Variants in IL23R observed in about 807,000 individuals in gnomAD.
The protein encoded by IL23R is interleukin-23 receptor.
A neutral mutation model predicts 56.9 loss-of-function variants in IL23R; 34 were observed. The ratio of observed to expected loss-of-function variants is 0.60; its 90% confidence interval spans 0.45 to 0.80. IL23R has a LOEUF of 0.80. Among genes scored for constraint, IL23R ranks in the 30% least tolerant of loss-of-function variants. The pLI, the probability that IL23R is intolerant of heterozygous loss-of-function variation, is 0.00. For missense variants in IL23R, 635 were observed against 730.0 expected (o/e 0.87, Z 1.50); for synonymous variants, 230 against 249.2 (o/e 0.92, Z 0.73).
chr1:67,154,262 G>A (rs930047899), intron 1 of IL23R, among the ~76,000 whole-genome samples: 1 of 152,198 alleles, frequency 6.6e-6, no homozygotes, highest in Non-Finnish European at 1.5e-5. Context: ...TTCTTTAGAT[G>A]TCTATTAGGT....
intron 6 of IL23R, among the ~76,000 whole-genome samples, chr1:67,218,711 C>A (rs1035812461): frequency 2.6e-5 from 4 of 151,070 alleles, no homozygotes; most frequent in Non-Finnish European, 5.9e-5. Flanking sequence ...ATGACTTGTG[C>A]CCAGGAGACC....
At chr1:67,177,282 G>A (rs966466620) in intron 3 of IL23R, among the ~76,000 whole-genome samples, 15 of 152,136 alleles carry the variant, frequency 9.9e-5, no homozygotes, top group Non-Finnish European at 1.9e-4. Context: ...AGCACCTGTT[G>A]TTTCCTGACT....
At chr1:67,180,386 TC>T (rs1325664346) in intron 3 of IL23R, among the ~76,000 whole-genome samples, 7 of 152,108 alleles carry the variant, frequency 4.6e-5, no homozygotes, top group Admixed American at 3.3e-4. Context: ...GCCTTTTTTG[TC>T]TCTTTTGATC....
At chr1:67,209,534 TC>T (rs1427272931) in intron 6 of IL23R, among the ~76,000 whole-genome samples, 4 of 152,212 alleles carry the variant, frequency 2.6e-5, no homozygotes, top group African/African-American at 4.8e-5. Context: ...TTTTGCTTTT[TC>T]CTCATTTTCT....
downstream of IL23R, among the ~76,000 whole-genome samples, chr1:67,262,893 C>A (rs1186573735): frequency 6.6e-6 from 1 of 152,070 alleles, no homozygotes; most frequent in Non-Finnish European, 1.5e-5. Flanking sequence ...CTTAGGAATG[C>A]TGAAGCAAAA....
rs537904495 is a variant in IL23R, at chr1:67,257,538, T to C, written c.1240-940T>C. 3.6e-4 allele frequency among the ~76,000 whole-genome samples: 55 copies of C among 152,182 alleles called. 1 individual carries two copies. The highest frequency in any genetic ancestry group is 1.5e-4 in the Non-Finnish European group (10 of 68,030). On this transcript the variant is annotated intron_variant, in intron 10 of 10. Coordinates refer to ENST00000347310, the MANE Select transcript of IL23R (RefSeq NM_144701.3). ...AAACGTTTAGTCCGTAACAGGGGGC[T>C]ATAATATTATAATTGTGTTGGGTGA...
chr1:67,151,623 T>G (rs1365774155), intron 1 of IL23R, among the ~76,000 whole-genome samples: 1 of 152,240 alleles, frequency 6.6e-6, no homozygotes, highest in African/African-American at 2.4e-5. Flanking sequence ...GAGTTAATTT[T>G]CATATAAGGT....
At chr1:67,260,968 C>G (rs1468755089), downstream of IL23R, among the ~76,000 whole-genome samples, 1 of 152,002 alleles carries the variant, frequency 6.6e-6, no homozygotes, top group African/African-American at 2.4e-5. Flanking sequence ...CAACAGTTGT[C>G]AATTTATACT....
chr1:67,187,378 T>C (rs1002973688), intron 4 of IL23R, among the ~76,000 whole-genome samples: 11 of 152,226 alleles, frequency 7.2e-5, no homozygotes, highest in Admixed American at 5.9e-4. Context: ...TGAAAAAATA[T>C]ATTTGTTGGA....
intron 3 of IL23R, among the ~76,000 whole-genome samples, chr1:67,177,854 A>G (rs1292288160): frequency 1.3e-5 from 2 of 150,886 alleles, no homozygotes; most frequent in African/African-American, 5.0e-5. Flanking sequence ...CAGTTTCCCA[A>G]CACAATTTAT....
At chr1:67,154,399 T>C (rs895723599) in intron 1 of IL23R, among the ~76,000 whole-genome samples, 5 of 152,186 alleles carry the variant, frequency 3.3e-5, no homozygotes, top group African/African-American at 1.2e-4. Context: ...TCTAAGTCTC[T>C]CTGTAAGTCT....
intron 9 of IL23R, among the ~76,000 whole-genome samples, chr1:67,241,154 A>C (rs1399157552): frequency 1.3e-5 from 2 of 152,172 alleles, no homozygotes; most frequent in Non-Finnish European, 2.9e-5. Flanking sequence ...TGATTTTCTC[A>C]ATTTTGAGAG....
chr1:67,148,831 G>A (rs1394552644), intron 1 of IL23R, among the ~76,000 whole-genome samples: 1 of 152,156 alleles, frequency 6.6e-6, no homozygotes, highest in East Asian at 1.9e-4. Flanking sequence ...TGTTAGAACG[G>A]CTCTGAACCT....
intron 4 of IL23R, 51 bp from the exon 5 acceptor site, chr1:67,200,686 A>G (rs370682011): frequency 2.3e-5 from 37 of 1,592,228 alleles, no homozygotes; most frequent in Non-Finnish European, 2.8e-5. Flanking sequence ...TGCCTGGCCA[A>G]TTAATTCAAA....
intron 9 of IL23R, among the ~76,000 whole-genome samples, chr1:67,243,890 C>A (rs1652022020): frequency 6.6e-6 from 1 of 152,210 alleles, no homozygotes; most frequent in Admixed American, 6.5e-5. Context: ...GCCACACTGT[C>A]TTCCACAATG....
At chr1:67,168,986 G>C (rs1013685188) in intron 2 of IL23R, among the ~76,000 whole-genome samples, 1 of 151,780 alleles carries the variant, frequency 6.6e-6, no homozygotes, top group South Asian at 2.1e-4. Flanking sequence ...ATGGTGAAAC[G>C]CCATATTAGC....
At chr1:67,200,228 G>A (rs11465794) in intron 4 of IL23R, among the ~76,000 whole-genome samples, 56,619 of 151,576 alleles carry the variant, frequency 0.37, 10,718 homozygotes, top group Admixed American at 0.47. Context: ...ATTTTTGGTA[G>A]AGACAGGGTT....
chr1:67,228,848 C>A (rs1423212750), intron 7 of IL23R, among the ~76,000 whole-genome samples: 1 of 152,148 alleles, frequency 6.6e-6, no homozygotes, highest in Non-Finnish European at 1.5e-5. Flanking sequence ...TATAAGAACT[C>A]TTGTGATTTT....
At chr1:67,194,404 A>G (rs2102609212) in intron 4 of IL23R, among the ~76,000 whole-genome samples, 1 of 152,270 alleles carries the variant, frequency 6.6e-6, no homozygotes, top group African/African-American at 2.4e-5. Flanking sequence ...TCTCATTAGC[A>G]CTTTGGAGAT....
Sources: gnomAD v4.1 joint callset for allele counts (sites outside exome capture counted in the v4.1 genomes callset) on GRCh38, gnomAD v4.1.1 for gene constraint, MANE v1.5 for transcripts, NCBI Gene and HGNC (gene_info 2026-07-23, HGNC 2026-07-21) for gene names.